ATXN7L1: variants seen among roughly 807,000 people sequenced by gnomAD.
ATXN7L1 encodes ataxin 7 like 1.
In ATXN7L1, 15 loss-of-function variants were observed where a neutral mutation model predicts 70.8. The ratio of observed to expected loss-of-function variants is 0.21; its 90% CI spans 0.14 to 0.33. ATXN7L1 has a LOEUF of 0.33. ATXN7L1 is among the 10% of genes least tolerant of loss of function. ATXN7L1 has a pLI of 1.00. For synonymous variants in ATXN7L1, 440 were observed against 445.1 expected (o/e 0.99, Z 0.14); for missense variants, 975 against 1,097.1 (o/e 0.89, Z 1.57).
At chr7:105,628,792 CAAATAAATAAATAAATAAATAAAT>C (rs199937717) in intron 7 of ATXN7L1, among the ~76,000 whole-genome samples, 2 of 141,938 alleles carry the variant, frequency 1.4e-5, no homozygotes, top group African/African-American at 2.6e-5. Context: ...GACTCCATCT[CAAATAAATAAATAAATAAATAAAT>C]AAATAAATAA....
rs1585226144 is a variant in ATXN7L1 at position 105,876,580 on chromosome 7, A to G, written c.-22T>C. On this transcript the variant is annotated 5_prime_UTR_variant, in exon 1 of 12. Coordinates refer to ENST00000419735, the MANE Select transcript of ATXN7L1 (RefSeq NM_020725.2). ...TCATCTTCGGAACGTTCCGACATTG[A>G]GTGTTCTGAAAGGGGGAGGGAGGGA... The G allele has an allele frequency of 4.5e-6, 5 of 1,119,834 alleles. No homozygotes were observed. The highest frequency in any genetic ancestry group is 3.8e-5 in the African/African-American group (2 of 53,322). The allele number at this position is 1,119,834 out of a possible 1,614,324, so 69.4% of individuals were successfully genotyped here. A position where few individuals can be genotyped will look rare whatever the true frequency, so the allele number is the denominator to read the frequency against.
rs898011233 is a variant in ATXN7L1 at position 105,628,227 on chromosome 7, A to G, written c.1203-3960T>C. On this transcript the variant is annotated intron_variant, in intron 7 of 11. Coordinates refer to ENST00000419735, the MANE Select transcript of ATXN7L1 (RefSeq NM_020725.2). ...GCAATTTACATCAAAACATATCATC[A>G]AAAAATGTAGATGAAGCAAATATAA... is the stretch of plus-strand genomic sequence containing the variant. 4.7e-4 allele frequency among the ~76,000 whole-genome samples: 72 copies of G among 152,292 alleles called. 3 individuals carry two copies. The highest frequency in any genetic ancestry group is 3.9e-4 in the East Asian group (2 of 5,178).
chr7:105,626,604 G>T (rs1795728289), intron 7 of ATXN7L1, among the ~76,000 whole-genome samples: 1 of 152,146 alleles, frequency 6.6e-6, no homozygotes, highest in Non-Finnish European at 1.5e-5. Context: ...TAAAAACAAA[G>T]CTGCCATTCA....
intron 3 of ATXN7L1, among the ~76,000 whole-genome samples, chr7:105,733,495 C>T (rs891668108): frequency 1.3e-5 from 2 of 148,780 alleles, no homozygotes; most frequent in Non-Finnish European, 3.0e-5. Context: ...TCCATCCACC[C>T]ATCCATCCTT....
chr7:105,865,441 G>A (rs1585186915), intron 2 of ATXN7L1, among the ~76,000 whole-genome samples: 1 of 146,268 alleles, frequency 6.8e-6, no homozygotes, highest in South Asian at 2.2e-4. Flanking sequence ...TCGCTGTGTT[G>A]CCCAGGCTGG....
At chr7:105,773,719 A>G (rs377287099) in intron 3 of ATXN7L1, among the ~76,000 whole-genome samples, 12 of 152,164 alleles carry the variant, frequency 7.9e-5, no homozygotes, top group Admixed American at 2.6e-4. Context: ...TACCAGTCCA[A>G]TGCAACTCCA....
At chr7:105,608,655 C>T (rs76890978) in intron 11 of ATXN7L1, among the ~76,000 whole-genome samples, 7,426 of 152,210 alleles carry the variant, frequency 0.049, 227 homozygotes, top group Non-Finnish European at 0.063. Flanking sequence ...ATGTGCCTTC[C>T]CACCCCAGCA....
At chr7:105,675,893 T>C (rs2116131550) in intron 3 of ATXN7L1, among the ~76,000 whole-genome samples, 1 of 151,958 alleles carries the variant, frequency 6.6e-6, no homozygotes, top group East Asian at 1.9e-4. Flanking sequence ...TCTTTTTTTT[T>C]TTTTTTTCTT....
intron 3 of ATXN7L1, among the ~76,000 whole-genome samples, chr7:105,758,740 G>A (rs1800125936): frequency 6.6e-6 from 1 of 152,248 alleles, no homozygotes; most frequent in Admixed American, 6.5e-5. Flanking sequence ...GGTAGAATGT[G>A]CTGGTTCTTC....
At position 105,606,649 on chromosome 7, in the gene ATXN7L1, A is replaced by C. The variant is rs146898491; in HGVS notation, c.*1203T>G. 7.7e-4 allele frequency: 117 copies of C among 152,450 alleles called. No individual in the cohort carries two copies. The highest frequency in any genetic ancestry group is 2.7e-3 in the African/African-American group (112 of 41,566). 9.4% of individuals were successfully genotyped at this position (152,450 alleles called of 1,614,324 possible). ...TGCAGGGCTCCAGCGTGGCTCTTCC[A>C]AATGGCTGTTCTTCACTGAGCAGTG... is the stretch of plus-strand genomic sequence containing the variant. On this transcript the variant is annotated 3_prime_UTR_variant, in exon 12 of 12. Coordinates refer to ENST00000419735, the MANE Select transcript of ATXN7L1 (RefSeq NM_020725.2).
chr7:105,790,444 G>C (rs1804971540), intron 2 of ATXN7L1, among the ~76,000 whole-genome samples: 1 of 152,008 alleles, frequency 6.6e-6, no homozygotes, highest in Admixed American at 6.5e-5. Context: ...AGCCGGGTGA[G>C]GTGACTTGTG....
rs1486574457 is a variant in ATXN7L1, at chr7:105,696,976, G to T, written c.356-31688C>A. On this transcript the variant is annotated intron_variant, in intron 3 of 11. Coordinates refer to ENST00000419735, the MANE Select transcript of ATXN7L1 (RefSeq NM_020725.2). ...CCCCACACGCCACAAAAACCAGCAA[G>T]TTTTTATTAGGGATTTTCAAAAGGG... Among the ~76,000 whole-genome samples the T allele has an allele frequency of 2.0e-5, 3 of 152,164 alleles. No homozygotes were observed. In the South Asian group the frequency reaches 6.2e-4, roughly 32 times the overall value.
chr7:105,797,136 C>A (rs1211518447), intron 2 of ATXN7L1, among the ~76,000 whole-genome samples: 1 of 152,318 alleles, frequency 6.6e-6, no homozygotes, highest in Middle Eastern at 3.4e-3. Flanking sequence ...TGCGTGCAGG[C>A]GGCAGCAGCA....
chr7:105,719,985 T>A (rs1794999014), intron 3 of ATXN7L1, among the ~76,000 whole-genome samples: 1 of 152,320 alleles, frequency 6.6e-6, no homozygotes, highest in East Asian at 1.9e-4. Flanking sequence ...CAGGTGATCA[T>A]ATAATCCTTT....
At position 105,759,484 on chromosome 7, in the gene ATXN7L1, G is replaced by GTGTGTGTGTGTT. The variant is rs1554453050; in HGVS notation, c.355+29119_355+29120insAACACACACACA. The stretch of plus-strand genomic sequence containing the variant: ...TGTGTGTGTGTGTGTGTGTGTGTGT[G>GTGTGTGTGTGTT]TGTGTGTATGTCAGAGTGACCTATC... On this transcript the variant is annotated intron_variant, in intron 3 of 11. Coordinates refer to ENST00000419735, the MANE Select transcript of ATXN7L1 (RefSeq NM_020725.2). 4.9e-3 allele frequency among the ~76,000 whole-genome samples: 660 copies of GTGTGTGTGTGTT among 135,702 alleles called. 13 individuals are homozygous for GTGTGTGTGTGTT. Among genetic ancestry groups the GTGTGTGTGTGTT allele is most frequent in the African/African-American group, 0.016 (563 of 34,998 alleles). 89.0% of individuals were successfully genotyped at this position (135,702 alleles called of 152,430 possible).
At chr7:105,754,702 C>T (rs1563066191) in intron 3 of ATXN7L1, among the ~76,000 whole-genome samples, 1 of 152,186 alleles carries the variant, frequency 6.6e-6, no homozygotes. Context: ...TCAAGCAATC[C>T]TCTCCCCGTG....
chr7:105,844,791 C>G lies in ATXN7L1; in HGVS notation c.250+31021G>C, dbSNP rs540694217. 3.5e-4 allele frequency among the ~76,000 whole-genome samples: 53 copies of G among 152,308 alleles called. 1 individual carries two copies. Among genetic ancestry groups the G allele is most frequent in the African/African-American group, 1.1e-3 (45 of 41,570 alleles). On this transcript the variant is annotated intron_variant, in intron 2 of 11. Coordinates refer to ENST00000419735, the MANE Select transcript of ATXN7L1 (RefSeq NM_020725.2). Reference sequence around the variant, plus strand: ...TGGAAAGGAAAAGGTAAAACCATCTCTATTTGCAGATGACATGACCTTATA... The same window carrying G: ...TGGAAAGGAAAAGGTAAAACCATCTGTATTTGCAGATGACATGACCTTATA...
chr7:105,869,155 C>A (rs1433482550), intron 2 of ATXN7L1, among the ~76,000 whole-genome samples: 1 of 152,186 alleles, frequency 6.6e-6, no homozygotes, highest in Non-Finnish European at 1.5e-5. Flanking sequence ...TTCCTCCCTA[C>A]CACCTTTAAG....
chr7:105,873,070 T>C (rs998973400), intron 2 of ATXN7L1, among the ~76,000 whole-genome samples: 12 of 151,924 alleles, frequency 7.9e-5, no homozygotes, highest in African/African-American at 2.9e-4. Context: ...AGGAGAAGGG[T>C]GTGAACCCGG....
Sources: allele counts gnomAD v4.1 joint callset (sites outside exome capture counted in the v4.1 genomes callset), GRCh38; gene constraint gnomAD v4.1.1; transcripts MANE v1.5; gene names NCBI Gene and HGNC (gene_info 2026-07-23, HGNC 2026-07-21).